Variants in INVS observed in about 807,000 individuals in gnomAD.
The protein encoded by INVS is inversion of embryo turning homolog.
Under a neutral mutation model 108.8 loss-of-function variants are expected in INVS, and 86 were observed. That is an observed-to-expected ratio of 0.79 (90% confidence interval 0.66 to 0.95). INVS has a LOEUF of 0.95. Ranked by LOEUF, INVS falls within the 40% of genes least tolerant of loss-of-function variation. The pLI, the probability that INVS is intolerant of heterozygous loss-of-function variation, is 0.00. For synonymous variants in INVS, 455 were observed against 473.5 expected (o/e 0.96, Z 0.51); for missense variants, 1,169 against 1,297.4 (o/e 0.90, Z 1.52).
intron 3 of INVS, among the ~76,000 whole-genome samples, chr9:100,181,043 A>G (rs1360589179): frequency 1.3e-5 from 2 of 152,188 alleles, no homozygotes; most frequent in African/African-American, 2.4e-5. Flanking sequence ...GATTATCTCA[A>G]TAGATGCAGA....
intron 8 of INVS, among the ~76,000 whole-genome samples, chr9:100,249,807 T>C (rs973825497): frequency 6.6e-5 from 10 of 151,508 alleles, no homozygotes; most frequent in Admixed American, 5.9e-4. Flanking sequence ...ATTTACTTTA[T>C]TTAAAAATAA....
At chr9:100,235,214 G>A (rs1429822524) in intron 5 of INVS, among the ~76,000 whole-genome samples, 3 of 147,898 alleles carry the variant, frequency 2.0e-5, no homozygotes, top group Admixed American at 2.0e-4. Context: ...CTTTCCATTT[G>A]CTTGGTAAAT....
At chr9:100,100,293 T>TA (rs900998681) in intron 1 of INVS, among the ~76,000 whole-genome samples, 2 of 151,696 alleles carry the variant, frequency 1.3e-5, no homozygotes, top group African/African-American at 4.8e-5. Context: ...TAGACAGTGA[T>TA]AGAGCCAATA....
intron 12 of INVS, among the ~76,000 whole-genome samples, chr9:100,282,067 G>A (rs1199639495): frequency 6.6e-6 from 1 of 152,132 alleles, no homozygotes; most frequent in Non-Finnish European, 1.5e-5. Flanking sequence ...TCTGTCTAAA[G>A]AGCCAATATC....
intron 10 of INVS, among the ~76,000 whole-genome samples, chr9:100,257,798 C>T (rs1156944147): frequency 6.6e-6 from 1 of 152,200 alleles, no homozygotes; most frequent in Non-Finnish European, 1.5e-5. Context: ...GATGGGCTTC[C>T]CTTTGTGGGT....
Position 100,137,782 on chromosome 9 carries a change from A to G in INVS, c.273+11233A>G, listed in dbSNP as rs558549665. On this transcript the variant is annotated intron_variant, in intron 3 of 16. Coordinates refer to ENST00000262457, the MANE Select transcript of INVS (RefSeq NM_014425.5). ...CATATAAATAATCTCTTTTGCAAAT[A>G]TAGGTACTTTTTCCAATTGTATTTA... Among the ~76,000 whole-genome samples, 11 of 152,336 alleles carry G rather than the reference A, an allele frequency of 7.2e-5. No individual in the cohort carries two copies. In the South Asian group the frequency reaches 2.3e-3, roughly 32 times the overall value.
chr9:100,188,078 A>G (rs1196194920), intron 3 of INVS, among the ~76,000 whole-genome samples: 1 of 152,102 alleles, frequency 6.6e-6, no homozygotes, highest in Non-Finnish European at 1.5e-5. Flanking sequence ...ATTCTTTTGG[A>G]GGAGTCTTTA....
chr9:100,274,850 T>G (rs1833069523), intron 12 of INVS, among the ~76,000 whole-genome samples: 1 of 152,172 alleles, frequency 6.6e-6, no homozygotes, highest in African/African-American at 2.4e-5. Context: ...TCTCGAATGT[T>G]TCTAAATCTT....
intron 5 of INVS, among the ~76,000 whole-genome samples, chr9:100,235,985 T>C (rs1045657587): frequency 1.3e-5 from 2 of 152,186 alleles, no homozygotes; most frequent in Non-Finnish European, 2.9e-5. Context: ...TCCATTCTCC[T>C]CATCACTTTC....
chr9:100,108,503 A>G (rs915494236), intron 2 of INVS, among the ~76,000 whole-genome samples: 33 of 152,176 alleles, frequency 2.2e-4, no homozygotes, highest in African/African-American at 8.0e-4. Context: ...TTTTTTTTCT[A>G]TGCATATGAA....
chr9:100,220,518 C>T (rs959776990), intron 3 of INVS, among the ~76,000 whole-genome samples: 1 of 152,152 alleles, frequency 6.6e-6, no homozygotes, highest in African/African-American at 2.4e-5. Flanking sequence ...CCTGTAACTT[C>T]AGCTCCCTTA....
At chr9:100,276,533 C>CA (rs1361110600) in intron 12 of INVS, among the ~76,000 whole-genome samples, 1 of 152,026 alleles carries the variant, frequency 6.6e-6, no homozygotes, top group African/African-American at 2.4e-5. Flanking sequence ...TTTTTTGAGA[C>CA]AGAGTCTTTC....
intron 2 of INVS, among the ~76,000 whole-genome samples, chr9:100,125,500 G>T (rs538904453): frequency 2.0e-5 from 3 of 152,208 alleles, no homozygotes; most frequent in Non-Finnish European, 4.4e-5. Context: ...ACGCTTCAGG[G>T]AACTTACCAC....
intron 3 of INVS, among the ~76,000 whole-genome samples, chr9:100,150,284 A>G (rs1427804224): frequency 1.3e-5 from 2 of 152,082 alleles, no homozygotes; most frequent in Middle Eastern, 3.2e-3. Context: ...TCATTTTCTA[A>G]TCATCTTCAT....
At chr9:100,239,930 C>T (rs1336805865) in intron 5 of INVS, 130 bp from the exon 6 acceptor site, 2 of 814,360 alleles carry the variant, frequency 2.5e-6, no homozygotes, top group Non-Finnish European at 4.1e-6. Context: ...GATCATGCCA[C>T]TGTACTCCAA....
chr9:100,247,555 T>C (rs1832083429), intron 8 of INVS, among the ~76,000 whole-genome samples: 1 of 152,180 alleles, frequency 6.6e-6, no homozygotes, highest in Non-Finnish European at 1.5e-5. Context: ...TTTTTTTTAT[T>C]TGTAGAAACA....
intron 3 of INVS, among the ~76,000 whole-genome samples, chr9:100,216,767 G>A (rs1056366955): frequency 2.6e-5 from 4 of 152,146 alleles, no homozygotes; most frequent in African/African-American, 4.8e-5. Context: ...TGCTGCCCCC[G>A]TGGTCATGTA....
chr9:100,243,150 T>C (rs1163242665), intron 7 of INVS, among the ~76,000 whole-genome samples: 1 of 152,192 alleles, frequency 6.6e-6, no homozygotes, highest in Non-Finnish European at 1.5e-5. Flanking sequence ...TATATTACTT[T>C]TATAGCACTA....
intron 3 of INVS, among the ~76,000 whole-genome samples, chr9:100,173,176 C>G (rs887725179): frequency 2.0e-5 from 3 of 152,116 alleles, no homozygotes; most frequent in Admixed American, 2.0e-4. Context: ...ATCAGCCCTC[C>G]AGTAGATAAC....
Sources: gnomAD v4.1 joint callset for allele counts (sites outside exome capture counted in the v4.1 genomes callset) on GRCh38, gnomAD v4.1.1 for gene constraint, MANE v1.5 for transcripts, NCBI Gene and HGNC (gene_info 2026-07-23, HGNC 2026-07-21) for gene names.